Variants in UPF2 observed in about 807,000 individuals in gnomAD.
UPF2 encodes UPF2 regulator of nonsense mediated mRNA decay.
Under a neutral mutation model 141.4 loss-of-function variants are expected in UPF2, and 17 were observed. The observed-to-expected ratio is 0.12, with a 90% confidence interval of 0.08 to 0.18. The LOEUF is 0.18. UPF2 is among the 10% of genes least tolerant of loss of function. The pLI, the probability that UPF2 is intolerant of heterozygous loss-of-function variation, is 1.00. For synonymous variants in UPF2, 540 were observed against 498.0 expected, an observed-to-expected ratio of 1.08 and a Z score of -1.12; for missense variants, 1,152 against 1,515.9, an observed-to-expected ratio of 0.76 and a Z score of 3.99.
chr10:11,954,793 T>C (rs190864760), intron 14 of UPF2, among the ~76,000 whole-genome samples: 2 of 143,572 alleles, frequency 1.4e-5, no homozygotes, highest in East Asian at 4.0e-4. Context: ...CTGGCCAACA[T>C]AGCAAGACCC....
At chr10:12,012,367 C>T (rs75057773) in intron 4 of UPF2, among the ~76,000 whole-genome samples, 213 of 152,184 alleles carry the variant, frequency 1.4e-3, no homozygotes, top group East Asian at 0.013. Flanking sequence ...CAGCCATATG[C>T]TAAATATTAT....
intron 7 of UPF2, among the ~76,000 whole-genome samples, chr10:11,999,548 A>T (rs944038483): frequency 4.0e-5 from 6 of 151,738 alleles, no homozygotes; most frequent in Admixed American, 2.6e-4. Context: ...CACAAGAAAA[A>T]AAAACTTAGT....
intron 8 of UPF2, among the ~76,000 whole-genome samples, chr10:11,986,277 G>A (rs1412287056): frequency 6.6e-6 from 1 of 152,118 alleles, no homozygotes; most frequent in Non-Finnish European, 1.5e-5. Context: ...TTAAAAGAAT[G>A]CTATTTTCCC....
intron 5 of UPF2, among the ~76,000 whole-genome samples, chr10:12,004,179 G>C (rs1045405395): frequency 2.0e-5 from 3 of 152,064 alleles, no homozygotes; most frequent in Admixed American, 2.0e-4. Context: ...CCTAGAAAGG[G>C]CAGTACAGGT....
chr10:11,966,446 C>T (rs751870765), intron 10 of UPF2, among the ~76,000 whole-genome samples: 28 of 151,708 alleles, frequency 1.8e-4, no homozygotes, highest in Admixed American at 1.0e-3. Flanking sequence ...TTTTTTGAGA[C>T]GGACTTTCAC....
rs568243190 is a variant in UPF2 at position 11,931,944 on chromosome 10, A to T, written c.3547-162T>A. ...GGCGGGCGGATCACGAGGTCAAGAGATCAAGACCATCCAGGCCAACATGAT... is the reference window on the plus strand; with the variant it reads ...GGCGGGCGGATCACGAGGTCAAGAGTTCAAGACCATCCAGGCCAACATGAT... On this transcript the variant is annotated intron_variant, in intron 19 of 21. Transcript: ENST00000357604. This position sits in a 1 kb window ranked among gnomAD's most constrained non-coding sequence, Gnocchi z 5.9. Among the ~76,000 whole-genome samples, 1 of 152,166 alleles carries T rather than the reference A, an allele frequency of 6.6e-6. No homozygotes were observed. The highest frequency in any genetic ancestry group is 1.5e-5 in the Non-Finnish European group (1 of 68,022).
chr10:12,027,954 G>A (rs1353172960), intron 3 of UPF2, among the ~76,000 whole-genome samples: 2 of 152,106 alleles, frequency 1.3e-5, no homozygotes, highest in African/African-American at 2.4e-5. Context: ...ACTCAGCCAC[G>A]TGCTATGGCT....
rs1290715866 is a variant in UPF2, at chr10:11,921,496, A to C, written c.3810-189T>G. ...GAAAAAAACCCAAACAATAAAAAAT[A>C]ACATAAATATTAAAAACAATACAGT... On this transcript the variant is annotated intron_variant, in intron 21 of 21. Coordinates refer to ENST00000357604, the MANE Select transcript of UPF2 (RefSeq NM_015542.4). The surrounding 1 kb of genome is among the most constrained non-coding windows in gnomAD (Gnocchi z 5.9). Among the ~76,000 whole-genome samples, 6 of 152,266 alleles carry C rather than the reference A, an allele frequency of 3.9e-5. No homozygotes were observed. Among genetic ancestry groups the C allele is most frequent in the Non-Finnish European group, 8.8e-5 (6 of 68,054 alleles).
rs568815386 is a variant in UPF2 at position 11,984,591 on chromosome 10, T to C, written c.1845-5426A>G. 9.5e-4 allele frequency among the ~76,000 whole-genome samples: 144 copies of C among 152,212 alleles called. 1 individual carries two copies. Among genetic ancestry groups the C allele is most frequent in the Middle Eastern group, 3.4e-3 (1 of 292 alleles). Reference sequence around the variant, plus strand: ...TCTTTTTTTCCTTCCTCGTGCTACCTAGTCTAAGATCGTTTCACTTTTCTT... The same window carrying C: ...TCTTTTTTTCCTTCCTCGTGCTACCCAGTCTAAGATCGTTTCACTTTTCTT... On this transcript the variant is annotated intron_variant, in intron 8 of 21. Transcript: ENST00000357604.
intron 9 of UPF2, among the ~76,000 whole-genome samples, chr10:11,968,372 T>G (rs775750920): frequency 6.6e-6 from 1 of 152,164 alleles, no homozygotes; most frequent in Non-Finnish European, 1.5e-5. Context: ...TTTTTCAAAT[T>G]TATTTGGCAA....
intron 2 of UPF2, among the ~76,000 whole-genome samples, chr10:12,032,214 A>G (rs1402816523): frequency 6.6e-6 from 1 of 152,164 alleles, no homozygotes; most frequent in Admixed American, 6.5e-5. Flanking sequence ...GAATGGCTTG[A>G]ACCTGGGAGG....
chr10:11,935,785 C>G lies in UPF2; in HGVS notation c.3546+760G>C, dbSNP rs1160504988. Reference sequence around the variant, plus strand: ...ACCTGAAATAGAATAGTACCTGGCACGTAGTGATGCTCAATAGTTGACAAA... The same window carrying G: ...ACCTGAAATAGAATAGTACCTGGCAGGTAGTGATGCTCAATAGTTGACAAA... On this transcript the variant is annotated intron_variant, in intron 19 of 21. Transcript: ENST00000357604. This position sits in a 1 kb window ranked among gnomAD's most constrained non-coding sequence, Gnocchi z 4.9. Among the ~76,000 whole-genome samples the G allele has an allele frequency of 1.3e-5, 2 of 152,002 alleles. No individual in the cohort carries two copies. Among genetic ancestry groups the G allele is most frequent in the Non-Finnish European group, 2.9e-5 (2 of 68,018 alleles).
chr10:12,004,948 A>G (rs1834011324), intron 4 of UPF2, among the ~76,000 whole-genome samples: 1 of 152,228 alleles, frequency 6.6e-6, no homozygotes, highest in South Asian at 2.1e-4. Flanking sequence ...AACAACATAA[A>G]GATTTTTTTC....
intron 19 of UPF2, among the ~76,000 whole-genome samples, chr10:11,934,322 T>A (rs1832817277): frequency 6.6e-6 from 1 of 152,162 alleles, no homozygotes; most frequent in Non-Finnish European, 1.5e-5. Flanking sequence ...CCTGATTTTT[T>A]AAAAAGCTCT....
intron 5 of UPF2, among the ~76,000 whole-genome samples, chr10:12,002,400 T>A (rs923996631): frequency 6.6e-6 from 1 of 152,138 alleles, no homozygotes; most frequent in Non-Finnish European, 1.5e-5. Context: ...AGGACTTACA[T>A]GGCGTGAGGA....
At chr10:11,982,805 A>G (rs1292507100) in intron 8 of UPF2, among the ~76,000 whole-genome samples, 1 of 152,122 alleles carries the variant, frequency 6.6e-6, no homozygotes, top group Non-Finnish European at 1.5e-5. Flanking sequence ...TCTTTAGTAG[A>G]GATGGAGTTT....
intron 3 of UPF2, among the ~76,000 whole-genome samples, chr10:12,021,965 C>T (rs1242361493): frequency 6.6e-6 from 1 of 152,140 alleles, no homozygotes; most frequent in Non-Finnish European, 1.5e-5. Flanking sequence ...CATGGTGAAA[C>T]CCTGTCTCTG....
At chr10:12,015,178 G>C (rs1834195890) in intron 3 of UPF2, among the ~76,000 whole-genome samples, 1 of 152,088 alleles carries the variant, frequency 6.6e-6, no homozygotes, top group Admixed American at 6.5e-5. Context: ...AATTATAAAA[G>C]TTATTTTTAC....
chr10:11,954,034 AGT>A (rs1301148183), intron 14 of UPF2, among the ~76,000 whole-genome samples: 2 of 152,250 alleles, frequency 1.3e-5, no homozygotes, highest in African/African-American at 4.8e-5. Context: ...AGCACTTGAT[AGT>A]GAGTTGTTCA....
Sources: allele counts gnomAD v4.1 joint callset (sites outside exome capture counted in the v4.1 genomes callset), GRCh38; gene constraint gnomAD v4.1.1; non-coding constraint Gnocchi (gnomAD v3.1); transcripts MANE v1.5; gene names NCBI Gene and HGNC (gene_info 2026-07-23, HGNC 2026-07-21).